The following KCNK1 variants were observed in gnomAD, a reference collection of about 807,000 sequenced individuals.
KCNK1 encodes the protein potassium two pore domain channel subfamily K member 1.
A neutral mutation model predicts 22.2 loss-of-function variants in KCNK1; 10 were observed. The observed-to-expected ratio is 0.45, with a 90% CI of 0.28 to 0.76. The LOEUF (loss-of-function observed/expected upper bound fraction) is 0.76, where lower values mean the gene tolerates loss of function less well. KCNK1 is among the 30% of genes least tolerant of loss of function. KCNK1 has a pLI of 0.14. For synonymous variants in KCNK1, 200 were observed against 186.4 expected, an observed-to-expected ratio of 1.07 and a Z score of -0.60; for missense variants, 378 against 421.0, an observed-to-expected ratio of 0.90 and a Z score of 0.89.
At chr1:233,644,286 C>A (rs966081497) in intron 1 of KCNK1, among the ~76,000 whole-genome samples, 6 of 152,138 alleles carry the variant, frequency 3.9e-5, no homozygotes, top group African/African-American at 1.4e-4. Context: ...CACTGTTGGA[C>A]TGGGGATTCA....
rs1558110704 is a variant in KCNK1, at chr1:233,631,809, G to GT, written c.355+17283_355+17284insT. The stretch of plus-strand genomic sequence containing the variant: ...GTCTGATTACATGCTGATAGATTCT[G>GT]GTTTTTTTTAAGCAAGTAATTCTCC... On this transcript the variant is annotated intron_variant, in intron 1 of 2. Coordinates refer to ENST00000366621, the MANE Select transcript of KCNK1 (RefSeq NM_002245.4). Among the ~76,000 whole-genome samples, 135 of 151,940 alleles carry GT rather than the reference G, an allele frequency of 8.9e-4. 1 individual carries two copies. Among genetic ancestry groups the GT allele is most frequent in the African/African-American group, 3.0e-3 (126 of 41,378 alleles).
At chr1:233,662,422 A>T (rs1313830093) in intron 1 of KCNK1, among the ~76,000 whole-genome samples, 1 of 152,182 alleles carries the variant, frequency 6.6e-6, no homozygotes, top group Admixed American at 6.5e-5. Context: ...GGCCATTGTA[A>T]GCTACACCTT....
At chr1:233,621,809 C>T (rs1008715682) in intron 1 of KCNK1, among the ~76,000 whole-genome samples, 3 of 152,024 alleles carry the variant, frequency 2.0e-5, no homozygotes, top group South Asian at 2.1e-4. Flanking sequence ...TTATCAATAA[C>T]GTGGAAGAAA....
At chr1:233,645,648 A>C (rs1242268927) in intron 1 of KCNK1, among the ~76,000 whole-genome samples, 1 of 152,194 alleles carries the variant, frequency 6.6e-6, no homozygotes, top group Non-Finnish European at 1.5e-5. Flanking sequence ...GAGACAATAC[A>C]TTTCTGTTGC....
intron 1 of KCNK1, among the ~76,000 whole-genome samples, chr1:233,640,790 C>T (rs754966408): frequency 6.6e-6 from 1 of 152,112 alleles, no homozygotes; most frequent in Non-Finnish European, 1.5e-5. Flanking sequence ...CTACAGCCTC[C>T]ACCTCCCAGG....
chr1:233,623,789 A>G (rs770461801), intron 1 of KCNK1, among the ~76,000 whole-genome samples: 6 of 152,102 alleles, frequency 3.9e-5, no homozygotes, highest in African/African-American at 1.4e-4. Flanking sequence ...GGGTTTTGCC[A>G]TGTTGGTTGC....
chr1:233,616,751 C>T (rs1657493634), intron 1 of KCNK1, among the ~76,000 whole-genome samples: 1 of 152,158 alleles, frequency 6.6e-6, no homozygotes, highest in African/African-American at 2.4e-5. Flanking sequence ...ATTATAATTA[C>T]CCATTATTTG....
chr1:233,654,107 T>A (rs942715697), intron 1 of KCNK1, among the ~76,000 whole-genome samples: 3 of 151,958 alleles, frequency 2.0e-5, no homozygotes, highest in African/African-American at 7.3e-5. Flanking sequence ...GAACAGAACG[T>A]TGGCAGAAAT....
chr1:233,667,811 C>T (rs554785835), intron 2 of KCNK1, among the ~76,000 whole-genome samples: 112 of 150,232 alleles, frequency 7.5e-4, no homozygotes, highest in Non-Finnish European at 1.5e-3. Context: ...GATTGCTCTA[C>T]TTTATTAAAT....
intron 1 of KCNK1, among the ~76,000 whole-genome samples, chr1:233,636,204 G>A (rs970405661): frequency 6.6e-6 from 1 of 152,212 alleles, no homozygotes; most frequent in Non-Finnish European, 1.5e-5. Context: ...AAGTGAAGTT[G>A]AGGAGTAACA....
intron 1 of KCNK1, among the ~76,000 whole-genome samples, chr1:233,643,231 G>A (rs1571897348): frequency 1.3e-5 from 2 of 152,238 alleles, no homozygotes; most frequent in East Asian, 1.9e-4. Flanking sequence ...CAGTGGTTAG[G>A]AGTAGAGGAC....
intron 1 of KCNK1, among the ~76,000 whole-genome samples, chr1:233,631,018 T>G (rs1003627554): frequency 2.6e-5 from 4 of 152,188 alleles, no homozygotes; most frequent in African/African-American, 9.7e-5. Context: ...GAGGTAGATA[T>G]TAGCATTTCC....
intron 1 of KCNK1, among the ~76,000 whole-genome samples, chr1:233,663,477 A>C (rs939217153): frequency 3.3e-5 from 5 of 152,220 alleles, no homozygotes; most frequent in Non-Finnish European, 7.3e-5. Flanking sequence ...AAATATTTTT[A>C]AACTAGAAGT....
At chr1:233,650,771 C>T (rs771343727) in intron 1 of KCNK1, among the ~76,000 whole-genome samples, 34 of 151,130 alleles carry the variant, frequency 2.2e-4, no homozygotes, top group Non-Finnish European at 3.2e-4. Flanking sequence ...TCAGCCCGTT[C>T]CCCTAAATAA....
At chr1:233,662,910 T>C (rs1276935960) in intron 1 of KCNK1, among the ~76,000 whole-genome samples, 1 of 152,238 alleles carries the variant, frequency 6.6e-6, no homozygotes, top group East Asian at 1.9e-4. Context: ...GCCTGGTCTA[T>C]TAACATTTTG....
At chr1:233,629,001 A>G (rs924152369) in intron 1 of KCNK1, among the ~76,000 whole-genome samples, 15 of 152,164 alleles carry the variant, frequency 9.9e-5, no homozygotes, top group African/African-American at 3.1e-4. Context: ...TCAGCTATAC[A>G]ATGAAAAGGC....
At chr1:233,624,776 A>G (rs1025789730) in intron 1 of KCNK1, among the ~76,000 whole-genome samples, 1 of 152,190 alleles carries the variant, frequency 6.6e-6, no homozygotes, top group African/African-American at 2.4e-5. Context: ...TCGGTGCACC[A>G]CAAAAGGCCC....
At chr1:233,665,139 A>G (rs1346183369) in intron 1 of KCNK1, among the ~76,000 whole-genome samples, 1 of 152,206 alleles carries the variant, frequency 6.6e-6, no homozygotes, top group African/African-American at 2.4e-5. Context: ...TAATTTTTTC[A>G]ATGTTTGTGG....
chr1:233,653,670 T>C (rs1658237979), intron 1 of KCNK1, among the ~76,000 whole-genome samples: 1 of 152,138 alleles, frequency 6.6e-6, no homozygotes, highest in South Asian at 2.1e-4. Context: ...GACTGGGAGT[T>C]ATGTCATTGG....
Sources: gnomAD v4.1 joint callset for allele counts (sites outside exome capture counted in the v4.1 genomes callset) on GRCh38, gnomAD v4.1.1 for gene constraint, MANE v1.5 for transcripts, NCBI Gene and HGNC (gene_info 2026-07-23, HGNC 2026-07-21) for gene names.